GMDS: variants seen among roughly 807,000 people sequenced by gnomAD.
GMDS encodes GDP-mannose 4,6-dehydratase, also known as GDP-mannose 4,6 dehydratase.
Under a neutral mutation model 49.9 loss-of-function variants are expected in GMDS, and 20 were observed. The observed-to-expected ratio is 0.40, with a 90% CI of 0.28 to 0.58. GMDS has a LOEUF of 0.58. Among genes scored for constraint, GMDS ranks in the 20% least tolerant of loss-of-function variants. GMDS has a pLI of 0.42. For synonymous variants in GMDS, 177 were observed against 178.6 expected (o/e 0.99, Z 0.07); for missense variants, 362 against 481.4 (o/e 0.75, Z 2.32).
At chr6:1,692,713 C>T (rs1302886847) in intron 9 of GMDS, among the ~76,000 whole-genome samples, 1 of 152,188 alleles carries the variant, frequency 6.6e-6, no homozygotes, top group Non-Finnish European at 1.5e-5. Context: ...TCATGACAGA[C>T]ATTATAGATT....
rs542393947 is a variant in GMDS at position 1,943,202 on chromosome 6, C to T, written c.644-12972G>A. ...CACAGGTGTCTTCTCCTTCTCTGGA[C>T]GGCCCCTTCTCTGAGAAACATCTGT... On this transcript the variant is annotated intron_variant, in intron 6 of 10. Coordinates refer to ENST00000380815, the MANE Select transcript of GMDS (RefSeq NM_001500.4). Among the ~76,000 whole-genome samples the T allele has an allele frequency of 5.0e-4, 76 of 152,312 alleles. No individual in the cohort carries two copies. The South Asian group carries it at 0.015, about 30-fold the overall frequency.
chr6:1,759,150 G>A (rs867768952), intron 7 of GMDS, among the ~76,000 whole-genome samples: 3 of 152,276 alleles, frequency 2.0e-5, no homozygotes, highest in Middle Eastern at 3.4e-3. Context: ...CTGGTGCCCA[G>A]GAGAATGTGT....
At chr6:2,187,491 C>T (rs1421711883) in intron 1 of GMDS, among the ~76,000 whole-genome samples, 1 of 152,172 alleles carries the variant, frequency 6.6e-6, no homozygotes, top group East Asian at 1.9e-4. Context: ...AAAATGCCTC[C>T]TCACAGTGTT....
chr6:1,847,386 A>G (rs1757456976), intron 7 of GMDS, among the ~76,000 whole-genome samples: 1 of 152,224 alleles, frequency 6.6e-6, no homozygotes, highest in Non-Finnish European at 1.5e-5. Context: ...GAAGATGGTG[A>G]GAAAAATCAT....
chr6:1,771,984 G>GTAA (rs1768595292), intron 7 of GMDS, among the ~76,000 whole-genome samples: 1 of 151,542 alleles, frequency 6.6e-6, no homozygotes, highest in Admixed American at 6.6e-5. Context: ...GAAGGTTTTT[G>GTAA]TGTAATTTCC....
At chr6:1,705,905 G>A (rs1765719425) in intron 9 of GMDS, among the ~76,000 whole-genome samples, 1 of 152,212 alleles carries the variant, frequency 6.6e-6, no homozygotes, top group Admixed American at 6.5e-5. Flanking sequence ...ACACAGCAAT[G>A]AGAAGGGTGG....
chr6:1,899,294 G>GT (rs565806414), intron 7 of GMDS, among the ~76,000 whole-genome samples: 3,733 of 144,450 alleles, frequency 0.026, 66 homozygotes, highest in South Asian at 0.043. Context: ...TTTGATTTGT[G>GT]TTTTTTTTTT....
chr6:2,141,985 T>C (rs957452965), intron 1 of GMDS, among the ~76,000 whole-genome samples: 4 of 152,134 alleles, frequency 2.6e-5, no homozygotes, highest in Non-Finnish European at 5.9e-5. Context: ...GTTCCACTGG[T>C]TGCCGGCTTA....
intron 4 of GMDS, among the ~76,000 whole-genome samples, chr6:1,963,281 C>T (rs1368753319): frequency 3.3e-5 from 5 of 151,988 alleles, no homozygotes; most frequent in African/African-American, 1.2e-4. Context: ...TCAAAACCTG[C>T]TCAAGTGATT....
chr6:2,210,563 G>A (rs1281576114), intron 1 of GMDS, among the ~76,000 whole-genome samples: 4 of 152,094 alleles, frequency 2.6e-5, no homozygotes, highest in Admixed American at 6.5e-5. Context: ...AATCAGCTAG[G>A]GGCTTCCAGG....
intron 4 of GMDS, among the ~76,000 whole-genome samples, chr6:2,105,931 A>G (rs1368817694): frequency 6.6e-6 from 1 of 152,200 alleles, no homozygotes; most frequent in Non-Finnish European, 1.5e-5. Context: ...ACACAAGTTG[A>G]GCTAACCTTT....
intron 7 of GMDS, among the ~76,000 whole-genome samples, chr6:1,880,416 C>A (rs1759309188): frequency 6.6e-6 from 1 of 152,028 alleles, no homozygotes; most frequent in Non-Finnish European, 1.5e-5. Flanking sequence ...CTGATCGTGC[C>A]ACTGAACTCC....
intron 9 of GMDS, among the ~76,000 whole-genome samples, chr6:1,647,293 G>A (rs1019643843): frequency 6.6e-6 from 1 of 152,184 alleles, no homozygotes; most frequent in Non-Finnish European, 1.5e-5. Context: ...AATGGAGGCT[G>A]CAGGGCATTC....
chr6:1,795,424 C>T (rs1040996742), intron 7 of GMDS, among the ~76,000 whole-genome samples: 3 of 152,080 alleles, frequency 2.0e-5, no homozygotes, highest in African/African-American at 7.2e-5. Context: ...AATATTCATC[C>T]CTTTTCCCAT....
chr6:1,788,156 A>G (rs1421013305), intron 7 of GMDS, among the ~76,000 whole-genome samples: 1 of 152,194 alleles, frequency 6.6e-6, no homozygotes, highest in East Asian at 1.9e-4. Flanking sequence ...ATGAGTCACA[A>G]GTAAGGGAGA....
chr6:1,714,445 A>G (rs1766099423), intron 9 of GMDS, among the ~76,000 whole-genome samples: 1 of 152,242 alleles, frequency 6.6e-6, no homozygotes, highest in Non-Finnish European at 1.5e-5. Context: ...GGTGAAGAGA[A>G]AAAGGAATAT....
At chr6:1,639,610 G>A (rs1003161327) in intron 9 of GMDS, among the ~76,000 whole-genome samples, 7 of 152,218 alleles carry the variant, frequency 4.6e-5, no homozygotes, top group African/African-American at 9.6e-5. Context: ...AGCTGAGGCC[G>A]GGCACGGTGG....
intron 1 of GMDS, among the ~76,000 whole-genome samples, chr6:2,129,442 G>A (rs993487758): frequency 1.8e-4 from 27 of 152,176 alleles, no homozygotes; most frequent in African/African-American, 6.3e-4. Flanking sequence ...TGAACTGCAT[G>A]CTAAATCATA....
chr6:2,144,353 C>T (rs1442265275), intron 1 of GMDS, among the ~76,000 whole-genome samples: 1 of 152,218 alleles, frequency 6.6e-6, no homozygotes, highest in African/African-American at 2.4e-5. Flanking sequence ...GCAGGCCACA[C>T]TGGAACGCCT....
Sources: gnomAD v4.1 joint callset for allele counts (sites outside exome capture counted in the v4.1 genomes callset) on GRCh38, gnomAD v4.1.1 for gene constraint, MANE v1.5 for transcripts, NCBI Gene and HGNC (gene_info 2026-07-23, HGNC 2026-07-21) for gene names.